Variants in CADM2 observed in about 807,000 individuals in gnomAD.
The protein encoded by CADM2 is cell adhesion molecule 2, also known as immunoglobulin superfamily member 4D.
Under a neutral mutation model 49.8 loss-of-function variants are expected in CADM2, and 12 were observed. The ratio of observed to expected loss-of-function variants is 0.24; its 90% CI spans 0.15 to 0.39. CADM2 has a LOEUF of 0.39. Among genes scored for constraint, CADM2 ranks in the 10% least tolerant of loss-of-function variants. The pLI, the probability that CADM2 is intolerant of heterozygous loss-of-function variation, is 1.00. For synonymous variants in CADM2, 214 were observed against 175.4 expected (o/e 1.22, Z -1.74); for missense variants, 378 against 492.3 (o/e 0.77, Z 2.20).
At chr3:85,329,258 C>T (rs190100760) in intron 1 of CADM2, among the ~76,000 whole-genome samples, 14 of 152,186 alleles carry the variant, frequency 9.2e-5, no homozygotes, top group East Asian at 7.7e-4. Flanking sequence ...TAACACAGGA[C>T]GGGCATGGTG....
chr3:85,307,846 C>T (rs1035136333), intron 1 of CADM2, among the ~76,000 whole-genome samples: 1 of 149,612 alleles, frequency 6.7e-6, no homozygotes, highest in Admixed American at 6.7e-5. Context: ...ATTTGTTTCA[C>T]AGCATTAGAA....
intron 1 of CADM2, among the ~76,000 whole-genome samples, chr3:85,383,534 A>C (rs1024910758): frequency 0.021 from 3,070 of 146,130 alleles, 115 homozygotes; most frequent in African/African-American, 0.071. Flanking sequence ...ATATATATAT[A>C]TATACATATA....
intron 1 of CADM2, among the ~76,000 whole-genome samples, chr3:85,110,356 C>T (rs1257371678): frequency 6.6e-6 from 1 of 151,772 alleles, no homozygotes; most frequent in Non-Finnish European, 1.5e-5. Flanking sequence ...ATATCTCCAG[C>T]TTTGATTTGA....
chr3:85,834,151 A>G (rs1009496764), intron 3 of CADM2, among the ~76,000 whole-genome samples: 2 of 151,674 alleles, frequency 1.3e-5, no homozygotes, highest in African/African-American at 2.4e-5. Flanking sequence ...TAACATGAAG[A>G]CAGAAATCAT....
chr3:84,996,892 T>C lies in CADM2; in HGVS notation c.61+37224T>C, dbSNP rs185793888. On this transcript the variant is annotated intron_variant, in intron 1 of 9. Coordinates refer to ENST00000383699, the MANE Select transcript of CADM2 (RefSeq NM_001167675.2). ...TGAATTAATTGAGAATGAAAGAATA[T>C]AGAGGGGAACAATTAATTTCAAGAA... Among the ~76,000 whole-genome samples the C allele has an allele frequency of 8.3e-4, 127 of 152,218 alleles. No homozygotes were observed. In the Middle Eastern group the frequency reaches 0.017, roughly 20 times the overall value.
At chr3:85,470,541 A>C (rs1205105683) in intron 1 of CADM2, among the ~76,000 whole-genome samples, 1 of 152,216 alleles carries the variant, frequency 6.6e-6, no homozygotes, top group East Asian at 1.9e-4. Context: ...AAACTATATG[A>C]ATGGGTATCC....
rs938016410 is a variant in CADM2 at position 85,629,506 on chromosome 3, A to G, written c.62-97016A>G. Among the ~76,000 whole-genome samples, 12 of 151,918 alleles carry G rather than the reference A, an allele frequency of 7.9e-5. No individual in the cohort carries two copies. In the East Asian group the frequency reaches 1.2e-3, roughly 15 times the overall value. ...AAATTGTTACAAACTGGTTATATAT[A>G]TTTAATTGAAAGTAGCTTGCAAGGG... On this transcript the variant is annotated intron_variant, in intron 1 of 9. Coordinates refer to ENST00000383699, the MANE Select transcript of CADM2 (RefSeq NM_001167675.2).
intron 1 of CADM2, among the ~76,000 whole-genome samples, chr3:85,086,444 G>A (rs2037379624): frequency 6.8e-6 from 1 of 147,784 alleles, no homozygotes; most frequent in Non-Finnish European, 1.5e-5. Context: ...ACTAGATGGT[G>A]TTTATTTTTA....
In CADM2 at chr3:86,068,059, T is replaced by G. The variant is rs539430767; in HGVS notation, c.*1276T>G. Reference sequence around the variant, plus strand: ...TCCAGAGCTGCTTACCTATGTTGGTTTGCCAAAAAGAAGTGTTTAAGATAT... The same window carrying G: ...TCCAGAGCTGCTTACCTATGTTGGTGTGCCAAAAAGAAGTGTTTAAGATAT... On this transcript the variant is annotated 3_prime_UTR_variant, in exon 10 of 10. Coordinates refer to ENST00000383699, the MANE Select transcript of CADM2 (RefSeq NM_001167675.2). The G allele has an allele frequency of 8.9e-4, 136 of 152,526 alleles. No individual in the cohort carries two copies. Among genetic ancestry groups the G allele is most frequent in the Non-Finnish European group, 1.5e-3 (101 of 67,852 alleles). 9.4% of individuals were successfully genotyped at this position (152,526 alleles called of 1,614,324 possible). A position where few individuals can be genotyped will look rare whatever the true frequency, so the allele number is the denominator to read the frequency against.
chr3:86,018,785 T>C (rs1320768072), intron 8 of CADM2, among the ~76,000 whole-genome samples: 1 of 152,012 alleles, frequency 6.6e-6, no homozygotes, highest in African/African-American at 2.4e-5. Context: ...TAGCCCTTTG[T>C]CAGATGAGTA....
chr3:85,737,318 A>T (rs1161192913), intron 2 of CADM2, among the ~76,000 whole-genome samples: 1 of 152,122 alleles, frequency 6.6e-6, no homozygotes, highest in African/African-American at 2.4e-5. Context: ...TTTAGGTGGG[A>T]GGAAACTTTA....
chr3:85,377,537 C>T (rs919332031), intron 1 of CADM2, among the ~76,000 whole-genome samples: 1 of 152,000 alleles, frequency 6.6e-6, no homozygotes, highest in African/African-American at 2.4e-5. Context: ...ACTGGACATC[C>T]TTAGGAAAAC....
At chr3:85,773,272 CT>C (rs2070194367) in intron 2 of CADM2, among the ~76,000 whole-genome samples, 1 of 152,040 alleles carries the variant, frequency 6.6e-6, no homozygotes. Flanking sequence ...TAAACAGCCC[CT>C]TTTCCTTACG....
At chr3:85,005,225 C>G (rs2033663397) in intron 1 of CADM2, among the ~76,000 whole-genome samples, 1 of 152,146 alleles carries the variant, frequency 6.6e-6, no homozygotes, top group Non-Finnish European at 1.5e-5. Flanking sequence ...CTTATAATCT[C>G]TATTTCAGCC....
chr3:85,318,052 G>A (rs2107086189), intron 1 of CADM2, among the ~76,000 whole-genome samples: 1 of 151,942 alleles, frequency 6.6e-6, no homozygotes, highest in South Asian at 2.1e-4. Flanking sequence ...AGTGCCTGTA[G>A]TCCCAGCTAA....
At chr3:85,942,041 G>A (rs1211230065) in intron 7 of CADM2, among the ~76,000 whole-genome samples, 1 of 152,040 alleles carries the variant, frequency 6.6e-6, no homozygotes, top group African/African-American at 2.4e-5. Context: ...CTGATAAATG[G>A]TAGAATTGGG....
At chr3:85,808,973 A>G (rs1359378006) in intron 3 of CADM2, among the ~76,000 whole-genome samples, 1 of 152,204 alleles carries the variant, frequency 6.6e-6, no homozygotes, top group Non-Finnish European at 1.5e-5. Context: ...CTGACTGTAT[A>G]TCTCCACAAC....
rs888814435 is a variant in CADM2 at position 86,068,928 on chromosome 3, A to T, written c.*2145A>T. The stretch of plus-strand genomic sequence containing the variant: ...GAATCAGGTAGGTGCTACTAGACAC[A>T]TTGAAACTAGAATAGGTTTATAAAC... On this transcript the variant is annotated 3_prime_UTR_variant, in exon 10 of 10. Coordinates refer to ENST00000383699, the MANE Select transcript of CADM2 (RefSeq NM_001167675.2). The T allele has an allele frequency of 6.6e-6, 1 of 152,326 alleles. No individual in the cohort carries two copies. Among genetic ancestry groups the T allele is most frequent in the African/African-American group, 2.4e-5 (1 of 41,436 alleles). The allele number at this position is 152,326 out of a possible 1,614,324, so 9.4% of individuals were successfully genotyped here.
intron 1 of CADM2, chr3:85,511,810 A>T (rs1443274067): frequency 1.1e-6 from 1 of 891,230 alleles, no homozygotes; most frequent in African/African-American, 1.8e-5. Flanking sequence ...ACTTCGAAAT[A>T]ATATCCCTTT....
Sources: allele counts gnomAD v4.1 joint callset (sites outside exome capture counted in the v4.1 genomes callset), GRCh38; gene constraint gnomAD v4.1.1; transcripts MANE v1.5; gene names NCBI Gene and HGNC (gene_info 2026-07-23, HGNC 2026-07-21).